GAS2: variants seen among roughly 807,000 people sequenced by gnomAD.
GAS2 encodes growth arrest-specific protein 2.
Under a neutral mutation model 37.5 loss-of-function variants are expected in GAS2, and 20 were observed. The ratio of observed to expected loss-of-function variants is 0.53; its 90% CI spans 0.37 to 0.77. The LOEUF (loss-of-function observed/expected upper bound fraction) is 0.77, where lower values mean the gene tolerates loss of function less well. Ranked by LOEUF, GAS2 falls within the 30% of genes least tolerant of loss-of-function variation. The pLI, the probability that GAS2 is intolerant of heterozygous loss-of-function variation, is 0.00. For synonymous variants in GAS2, 144 were observed against 132.2 expected (o/e 1.09, Z -0.61); for missense variants, 336 against 373.4 (o/e 0.90, Z 0.82).
At chr11:22,714,695 A>G (rs1851576096) in intron 3 of GAS2, among the ~76,000 whole-genome samples, 1 of 152,216 alleles carries the variant, frequency 6.6e-6, no homozygotes, top group Non-Finnish European at 1.5e-5. Context: ...TAAAATTGGA[A>G]AATAACTCCA....
At chr11:22,674,823 G>A in intron 1 of GAS2, 27 bp from the exon 2 acceptor site, 7 of 1,532,880 alleles carry the variant, frequency 4.6e-6, no homozygotes, top group South Asian at 1.3e-5. Context: ...TGTATAAAAA[G>A]CAATTGCTCT....
At chr11:22,735,147 C>G (rs1182408507) in intron 4 of GAS2, among the ~76,000 whole-genome samples, 1 of 150,464 alleles carries the variant, frequency 6.6e-6, no homozygotes, top group African/African-American at 2.4e-5. Context: ...TAAGTCCTTT[C>G]TCTGTTCTAA....
intron 2 of GAS2, among the ~76,000 whole-genome samples, chr11:22,678,930 G>A (rs956284985): frequency 2.6e-5 from 4 of 151,868 alleles, no homozygotes; most frequent in African/African-American, 9.7e-5. Flanking sequence ...CCTAGGCATA[G>A]GATTAAAGCA....
intron 7 of GAS2, among the ~76,000 whole-genome samples, chr11:22,798,816 A>G (rs1439767621): frequency 2.6e-5 from 4 of 152,006 alleles, no homozygotes; most frequent in African/African-American, 4.8e-5. Flanking sequence ...CAACATGGCA[A>G]ACTATCCATG....
intron 6 of GAS2, among the ~76,000 whole-genome samples, chr11:22,754,096 A>G (rs964296778): frequency 2.6e-5 from 4 of 152,102 alleles, no homozygotes; most frequent in African/African-American, 9.7e-5. Context: ...TCAGAACACA[A>G]AGTAATTGCC....
intron 1 of GAS2, among the ~76,000 whole-genome samples, chr11:22,633,893 C>T (rs1858782094): frequency 6.6e-6 from 1 of 152,146 alleles, no homozygotes; most frequent in Admixed American, 6.6e-5. Context: ...GGGCACTCCT[C>T]CTGTGGGGAT....
At chr11:22,644,115 A>G (rs967074211) in intron 1 of GAS2, among the ~76,000 whole-genome samples, 3 of 152,214 alleles carry the variant, frequency 2.0e-5, no homozygotes, top group African/African-American at 7.2e-5. Context: ...TTTCCTTTAA[A>G]GGATAATAGA....
chr11:22,679,896 G>A (rs1849600746), intron 2 of GAS2, among the ~76,000 whole-genome samples: 2 of 152,108 alleles, frequency 1.3e-5, no homozygotes, highest in Non-Finnish European at 2.9e-5. Flanking sequence ...TGCATTGACA[G>A]TTGATGTCAT....
At chr11:22,661,771 T>G (rs1193160585), upstream of GAS2, among the ~76,000 whole-genome samples, 2 of 152,208 alleles carry the variant, frequency 1.3e-5, no homozygotes, top group African/African-American at 4.8e-5. Flanking sequence ...CATATCTGTT[T>G]CATACTTTGT....
chr11:22,706,198 G>C (rs1851108503), intron 3 of GAS2, among the ~76,000 whole-genome samples: 1 of 152,016 alleles, frequency 6.6e-6, no homozygotes, highest in African/African-American at 2.4e-5. Flanking sequence ...GCAGTGTAGA[G>C]AATGGATTGG....
chr11:22,665,465 G>A (rs1286314207), upstream of GAS2, among the ~76,000 whole-genome samples: 1 of 152,140 alleles, frequency 6.6e-6, no homozygotes, highest in African/African-American at 2.4e-5. Flanking sequence ...CATCAGTAAT[G>A]AGTTCTGTAT....
intron 1 of GAS2, chr11:22,626,020 T>A: frequency 1.6e-6 from 1 of 633,908 alleles, no homozygotes; most frequent in Non-Finnish European, 2.8e-6. Flanking sequence ...AGGTTCTTCT[T>A]AGTGGAGGGA....
intron 3 of GAS2, among the ~76,000 whole-genome samples, chr11:22,724,756 A>G (rs1261522801): frequency 6.6e-6 from 1 of 152,092 alleles, no homozygotes; most frequent in Non-Finnish European, 1.5e-5. Context: ...GAGTTGCAAC[A>G]AAGAGATGGA....
intron 3 of GAS2, among the ~76,000 whole-genome samples, chr11:22,692,760 A>C (rs1348692317): frequency 6.6e-6 from 1 of 152,110 alleles, no homozygotes; most frequent in Non-Finnish European, 1.5e-5. Flanking sequence ...TCACATACTC[A>C]ATGGTAAAGT....
At position 22,809,612 on chromosome 11, in the gene GAS2, C is replaced by T. The variant is rs189006799; in HGVS notation, c.724-2186C>T. ...AAGCAATTCTCCTGTCTCAGCCTCC[C>T]GAGTAGCTGAGACTACAGGCGCCTG... On this transcript the variant is annotated intron_variant, in intron 7 of 7. Transcript: ENST00000454584. 3.0e-3 allele frequency among the ~76,000 whole-genome samples: 462 copies of T among 151,588 alleles called. 3 individuals are homozygous for T. Among genetic ancestry groups the T allele is most frequent in the African/African-American group, 0.011 (438 of 41,326 alleles).
At chr11:22,672,473 T>C (rs1849243219) in intron 1 of GAS2, 1 of 152,138 alleles carries the variant, frequency 6.6e-6, no homozygotes, top group Admixed American at 6.5e-5. Context: ...AACTATCCCT[T>C]GATAAATTAT....
rs570447307 is a variant in GAS2 at position 22,704,692 on chromosome 11, T to C, written c.267+18903T>C. On this transcript the variant is annotated intron_variant, in intron 3 of 7. Coordinates refer to ENST00000454584, the MANE Select transcript of GAS2 (RefSeq NM_001143830.3). The stretch of plus-strand genomic sequence containing the variant: ...TTCTTGTAGTAAGGAATATTGTAGA[T>C]TGTAGTAAGGAATATTCTAATAAAC... Among the ~76,000 whole-genome samples the C allele has an allele frequency of 1.8e-3, 262 of 146,856 alleles. 2 individuals carry two copies. Among genetic ancestry groups the C allele is most frequent in the African/African-American group, 6.1e-3 (239 of 39,116 alleles).
At chr11:22,648,572 C>A (rs1480104124) in intron 1 of GAS2, among the ~76,000 whole-genome samples, 1 of 152,136 alleles carries the variant, frequency 6.6e-6, no homozygotes, top group Non-Finnish European at 1.5e-5. Context: ...AATGTTCTTC[C>A]ATTTGTTTGT....
intron 4 of GAS2, chr11:22,731,231 G>C (rs1852458998): frequency 2.8e-6 from 1 of 353,788 alleles, no homozygotes; most frequent in Non-Finnish European, 5.6e-6. Context: ...TGGTGAGCTG[G>C]GAGATGGCGA....
Sources: allele counts gnomAD v4.1 joint callset (sites outside exome capture counted in the v4.1 genomes callset), GRCh38; gene constraint gnomAD v4.1.1; transcripts MANE v1.5; gene names NCBI Gene and HGNC (gene_info 2026-07-23, HGNC 2026-07-21).